GSTCD: variants seen among roughly 807,000 people sequenced by gnomAD.
GSTCD encodes the protein glutathione S-transferase C-terminal domain-containing protein.
GSTCD carries 44 observed loss-of-function variants against 68.3 expected under a neutral mutation model. That is an observed-to-expected ratio of 0.64 (90% CI 0.51 to 0.83). GSTCD has a LOEUF of 0.83. Ranked by LOEUF, GSTCD falls within the 40% of genes least tolerant of loss-of-function variation. The pLI is 0.00. For synonymous variants in GSTCD, 273 were observed against 255.2 expected, an observed-to-expected ratio of 1.07 and a Z score of -0.67; for missense variants, 739 against 735.9, an observed-to-expected ratio of 1.00 and a Z score of -0.05.
chr4:105,774,577 C>G (rs1488136663), intron 5 of GSTCD, among the ~76,000 whole-genome samples: 4 of 152,150 alleles, frequency 2.6e-5, no homozygotes, highest in South Asian at 2.1e-4. Flanking sequence ...ATTTGCTTGT[C>G]TATAAAGGAT....
chr4:105,775,437 T>C (rs1735017741), intron 5 of GSTCD, among the ~76,000 whole-genome samples: 2 of 152,218 alleles, frequency 1.3e-5, no homozygotes, highest in South Asian at 4.1e-4. Context: ...TTCTGGATTT[T>C]GGAATTTATA....
chr4:105,818,083 A>G (rs1039744944), intron 5 of GSTCD, among the ~76,000 whole-genome samples: 9 of 151,846 alleles, frequency 5.9e-5, no homozygotes, highest in Admixed American at 3.9e-4. Context: ...TTCCAGGAAA[A>G]AATATTCATA....
chr4:105,719,946 A>G (rs894024841), intron 3 of GSTCD, among the ~76,000 whole-genome samples: 1 of 152,134 alleles, frequency 6.6e-6, no homozygotes, highest in Admixed American at 6.5e-5. Flanking sequence ...TGCAGTTAAA[A>G]AAAAAAAAAC....
Position 105,726,687 on chromosome 4 carries a change from T to G in GSTCD, c.1003T>G (p.Cys335Gly). The G allele has an allele frequency of 6.2e-7, 1 of 1,613,946 alleles. No individual in the cohort carries two copies. The change falls in exon 4 of 12, where the codon TGT (cysteine) becomes GGT (glycine). Residue 335 changes from cysteine to glycine, a missense_variant. By Grantham distance (159) the Cys-to-Gly change is radical. Coordinates refer to ENST00000515279, the MANE Select transcript of GSTCD (RefSeq NM_001370181.1). ...VPGVKTAASK[C>G]GIQFLHLPKL... ...AGGAGTAAAAACAGCAGCTTCTAAG[T>G]GTGGGATCCAATTTCTCCATTTACC...
chr4:105,716,219 A>G (rs1444060520), intron 1 of GSTCD, among the ~76,000 whole-genome samples: 1 of 152,218 alleles, frequency 6.6e-6, no homozygotes. Context: ...GGAAGAAAAA[A>G]CATAGATGGA....
intron 4 of GSTCD, among the ~76,000 whole-genome samples, chr4:105,727,899 G>A (rs1733095406): frequency 6.6e-6 from 1 of 152,038 alleles, no homozygotes; most frequent in Admixed American, 6.6e-5. Flanking sequence ...GAGTTACACT[G>A]GAAAAATATT....
chr4:105,833,787 TA>T (rs1723999502), intron 8 of GSTCD, among the ~76,000 whole-genome samples: 1 of 152,214 alleles, frequency 6.6e-6, no homozygotes. Flanking sequence ...TAAAAACACT[TA>T]AAAATCGTTT....
Position 105,719,031 on chromosome 4 carries a change from T to C in GSTCD, c.427-29T>C, listed in dbSNP as rs184412243. The C allele has an allele frequency of 1.8e-3, 2,674 of 1,500,678 alleles. 30 individuals are homozygous for C. The highest frequency in any genetic ancestry group is 4.2e-3 in the East Asian group (184 of 44,216). 93.0% of individuals were successfully genotyped at this position (1,500,678 alleles called of 1,614,324 possible). On this transcript the variant is annotated intron_variant, in intron 2 of 11. Transcript: ENST00000515279. ...GTTATATTGAAATTAAAAAATCTTT[T>C]CATTTCTTGTTTTGTTTTTGTTTTG...
chr4:105,804,928 T>C (rs1222363677), intron 5 of GSTCD, among the ~76,000 whole-genome samples: 1 of 152,128 alleles, frequency 6.6e-6, no homozygotes, highest in Non-Finnish European at 1.5e-5. Flanking sequence ...TTTCTGATAA[T>C]GATGGCTTGC....
chr4:105,740,600 G>A (rs2149219295), intron 5 of GSTCD, among the ~76,000 whole-genome samples: 1 of 152,254 alleles, frequency 6.6e-6, no homozygotes, highest in East Asian at 1.9e-4. Context: ...GGCTTCTTAA[G>A]CACAGATTCT....
rs757220263 is a variant in GSTCD, at chr4:105,737,010, A to G, written c.1240+7511A>G. 4.6e-5 allele frequency among the ~76,000 whole-genome samples: 7 copies of G among 152,194 alleles called. No homozygotes were observed. In the Middle Eastern group the frequency reaches 0.014, roughly 300 times the overall value. ...CTTCTGTTGATGGACACTTAGGTTG[A>G]TTCCATATCTTGCCTATTGTGAATA... On this transcript the variant is annotated intron_variant, in intron 5 of 11. Transcript: ENST00000515279.
At chr4:105,760,627 C>A (rs1734369373) in intron 5 of GSTCD, among the ~76,000 whole-genome samples, 1 of 151,990 alleles carries the variant, frequency 6.6e-6, no homozygotes, top group Non-Finnish European at 1.5e-5. Context: ...TTGAATTTGG[C>A]CTTGAATCAA....
intron 5 of GSTCD, among the ~76,000 whole-genome samples, chr4:105,785,231 CA>C (rs1046059207): frequency 1.3e-5 from 2 of 152,060 alleles, no homozygotes; most frequent in Non-Finnish European, 2.9e-5. Flanking sequence ...TGACTTATAA[CA>C]TTTTTAAAAC....
chr4:105,781,293 G>A (rs1294734619), intron 5 of GSTCD, among the ~76,000 whole-genome samples: 1 of 151,942 alleles, frequency 6.6e-6, no homozygotes, highest in Non-Finnish European at 1.5e-5. Context: ...TCTGTTTCCA[G>A]GCTGGAATGC....
At chr4:105,841,755 C>T (rs931494172) in intron 10 of GSTCD, among the ~76,000 whole-genome samples, 2 of 151,924 alleles carry the variant, frequency 1.3e-5, no homozygotes, top group Admixed American at 1.3e-4. Flanking sequence ...GAGGCTGAGG[C>T]ATGAGAATCA....
Position 105,823,253 on chromosome 4 carries a change from C to T in GSTCD, c.1379C>T (p.Ala460Val). The change falls in exon 7 of 12, where the codon GCT (alanine) becomes GTT (valine). Residue 460 changes from alanine to valine, a missense_variant. Physicochemically the swap from Ala to Val is moderately conservative, Grantham distance 64 (BLOSUM62 0). Transcript: ENST00000515279. The stretch of plus-strand genomic sequence containing the variant: ...CAGGGCCATGTTGGAATTGTCCTTG[C>T]TCACATGCTGCCATCATGTCAGGTA... ...SGGGHVGIVL[A>V]HMLPSCQVTL... is the part of the protein sequence containing the mutation. 6.2e-7 allele frequency: 1 copy of T among 1,613,762 alleles called. No individual in the cohort carries two copies. The highest frequency in any genetic ancestry group is 1.3e-5 in the African/African-American group (1 of 75,002).
At chr4:105,761,240 G>A (rs1734400621) in intron 5 of GSTCD, 2 of 168,608 alleles carry the variant, frequency 1.2e-5, no homozygotes, top group South Asian at 2.6e-4. Flanking sequence ...CTGACCTCAA[G>A]TGATCCAGCC....
chr4:105,784,331 A>C (rs1168276772), intron 5 of GSTCD, among the ~76,000 whole-genome samples: 1 of 152,214 alleles, frequency 6.6e-6, no homozygotes, highest in East Asian at 1.9e-4. Flanking sequence ...AGAATGTGGA[A>C]GGCAGAAGAG....
At chr4:105,810,458 G>A (rs1722707782) in intron 5 of GSTCD, among the ~76,000 whole-genome samples, 1 of 152,040 alleles carries the variant, frequency 6.6e-6, no homozygotes, top group African/African-American at 2.4e-5. Flanking sequence ...AACATCAGGG[G>A]ATGGATTTCA....
Sources: gnomAD v4.1 joint callset for allele counts (sites outside exome capture counted in the v4.1 genomes callset) on GRCh38, gnomAD v4.1.1 for gene constraint, MANE v1.5 for transcripts, NCBI Gene and HGNC (gene_info 2026-07-23, HGNC 2026-07-21) for gene names.